Variants in COL14A1 observed in about 807,000 individuals in gnomAD.
COL14A1 encodes collagen alpha-1(XIV) chain.
Under a neutral mutation model 230.3 loss-of-function variants are expected in COL14A1, and 136 were observed. That is an observed-to-expected ratio of 0.59 (90% CI 0.51 to 0.68). COL14A1 has a LOEUF of 0.68. COL14A1 is among the 30% of genes least tolerant of loss of function. COL14A1 has a pLI of 0.00. For synonymous variants in COL14A1, 792 were observed against 784.1 expected (o/e 1.01, Z -0.17); for missense variants, 1,976 against 2,215.8 (o/e 0.89, Z 2.17).
intron 1 of COL14A1, among the ~76,000 whole-genome samples, chr8:120,146,639 T>G (rs144084996): frequency 1.3e-5 from 2 of 152,272 alleles, no homozygotes; most frequent in African/African-American, 4.8e-5. Context: ...GTTTTTCAAC[T>G]ATTACATAGA....
In COL14A1 at chr8:120,332,169, G is replaced by C; in HGVS notation, c.4688G>C (p.Gly1563Ala). The change falls in exon 41 of 48, where the codon GGA becomes GCA. Residue 1563 changes from glycine to alanine, a missense_variant. Physicochemically the swap from Gly to Ala is moderately conservative, Grantham distance 60. Around this residue, in one of 3 missense-constraint regions of COL14A1, gnomAD observed 1,791 missense variants for 2,019.5 expected, o/e 0.89. Coordinates refer to ENST00000297848, the MANE Select transcript of COL14A1 (RefSeq NM_021110.4). Reference protein sequence around the residue: ...RGLPGKDGSSGPPGPPGPIGI... With the variant: ...RGLPGKDGSSAPPGPPGPIGI... Reference sequence around the variant, plus strand: ...CTTCCGGGAAAGGATGGATCCTCGGGACCTCCAGGACCACCAGGGCCAATA... The same window carrying C: ...CTTCCGGGAAAGGATGGATCCTCGGCACCTCCAGGACCACCAGGGCCAATA... 1 of 1,614,042 alleles carries C rather than the reference G, an allele frequency of 6.2e-7. No homozygotes were observed. The highest frequency in any genetic ancestry group is 8.5e-7 in the Non-Finnish European group (1 of 1,179,960).
At chr8:120,201,626 T>A (rs1817250552) in intron 8 of COL14A1, among the ~76,000 whole-genome samples, 2 of 152,240 alleles carry the variant, frequency 1.3e-5, no homozygotes, top group African/African-American at 4.8e-5. Flanking sequence ...TGCAGGAACA[T>A]TTCTTACCCT....
At chr8:120,287,528 G>C (rs186470591) in intron 33 of COL14A1, among the ~76,000 whole-genome samples, 2 of 152,304 alleles carry the variant, frequency 1.3e-5, no homozygotes, top group African/African-American at 4.8e-5. Context: ...GCATGAACTT[G>C]TAATTCTCAT....
At chr8:120,151,859 T>C (rs1487309488) in intron 2 of COL14A1, among the ~76,000 whole-genome samples, 1 of 151,820 alleles carries the variant, frequency 6.6e-6, no homozygotes, top group Non-Finnish European at 1.5e-5. Context: ...GTTTTAAATA[T>C]GGAAGAGGGA....
intron 1 of COL14A1, among the ~76,000 whole-genome samples, chr8:120,139,918 C>T (rs928173634): frequency 6.6e-6 from 1 of 152,036 alleles, no homozygotes; most frequent in Admixed American, 6.6e-5. Context: ...GTCCCAGCTA[C>T]TCAGGAGGCT....
rs776225837 is a variant in COL14A1 at position 120,225,140 on chromosome 8, C to A, written c.1790C>A (p.Thr597Lys). The stretch of plus-strand genomic sequence containing the variant: ...CCTCTGAAGGGCTTGACACCTCTCA[C>A]AGAGTATACTATTGCTATTTTCTCC... Reference protein sequence around the residue: ...TFPLKGLTPLTEYTIAIFSIY... With the variant: ...TFPLKGLTPLKEYTIAIFSIY... The change falls in exon 15 of 48, where the codon ACA (threonine) becomes AAA (lysine). Residue 597 changes from threonine to lysine, a missense_variant. This residue lies in a region of COL14A1 where 1,791 missense variants were observed against 2,019.5 expected (regional missense o/e 0.89). Coordinates refer to ENST00000297848, the MANE Select transcript of COL14A1 (RefSeq NM_021110.4). 2 of 1,612,740 alleles carry A rather than the reference C, an allele frequency of 1.2e-6. No individual in the cohort carries two copies. The highest frequency in any genetic ancestry group is 3.3e-5 in the Admixed American group (2 of 59,938).
intron 1 of COL14A1, among the ~76,000 whole-genome samples, chr8:120,138,252 G>C (rs560348535): frequency 2.0e-5 from 3 of 151,926 alleles, no homozygotes; most frequent in Non-Finnish European, 4.4e-5. Flanking sequence ...AGTCCTATTA[G>C]TTTTTGCTTT....
chr8:120,268,714 A>G (rs1209036039), intron 25 of COL14A1, among the ~76,000 whole-genome samples: 2 of 151,764 alleles, frequency 1.3e-5, no homozygotes, highest in Admixed American at 6.6e-5. Flanking sequence ...ACTTAAAAGA[A>G]CAGCATTAAA....
intron 11 of COL14A1, 125 bp from the exon 12 acceptor site, chr8:120,209,631 G>A: frequency 1.1e-6 from 1 of 942,390 alleles, no homozygotes. Context: ...CCAGGAACTT[G>A]CAATTTATTC....
chr8:120,297,632 T>G, intron 35 of COL14A1, 44 bp downstream of exon 35: 1 of 1,167,216 alleles, frequency 8.6e-7, no homozygotes. Context: ...TAAATTGTAT[T>G]TAATTTTCTG....
chr8:120,350,725 A>G (rs1374535384), intron 45 of COL14A1, among the ~76,000 whole-genome samples: 2 of 146,788 alleles, frequency 1.4e-5, no homozygotes, highest in Non-Finnish European at 3.0e-5. Context: ...AGGAGCACCC[A>G]GATTCATAAA....
intron 26 of COL14A1, among the ~76,000 whole-genome samples, chr8:120,274,646 T>A (rs112101280): frequency 1.6e-4 from 24 of 151,962 alleles, no homozygotes; most frequent in African/African-American, 5.8e-4. Context: ...TACAAATCAA[T>A]GTATACAAAT....
chr8:120,334,385 TCAAAATA>T (rs36218006), intron 42 of COL14A1, among the ~76,000 whole-genome samples: 80,129 of 151,272 alleles, frequency 0.53, 22,622 homozygotes, highest in African/African-American at 0.75. Context: ...ACAATGTCAT[TCAAAATA>T]CAAAATACTT....
chr8:120,213,802 T>C (rs1000215434), intron 13 of COL14A1: 1 of 228,076 alleles, frequency 4.4e-6, no homozygotes, highest in African/African-American at 2.4e-5. Flanking sequence ...GGCTGGCATT[T>C]TTATGTGCTA....
In COL14A1 at chr8:120,206,973, C is replaced by T. The variant is rs377766645; in HGVS notation, c.1070C>T (p.Thr357Met). 163 of 1,612,350 alleles carry T rather than the reference C, an allele frequency of 1.0e-4. No homozygotes were observed. The highest frequency in any genetic ancestry group is 1.5e-4 in the Admixed American group (9 of 59,692). Residue 357 changes from threonine to methionine, a missense_variant, in exon 10 of 48, where the codon ACG becomes ATG. Around this residue, in one of 3 missense-constraint regions of COL14A1, gnomAD observed 1,791 missense variants for 2,019.5 expected, o/e 0.89. Coordinates refer to ENST00000297848, the MANE Select transcript of COL14A1 (RefSeq NM_021110.4). Reference sequence around the variant, plus strand: ...GCCCATGCCATCACTGGGCCGCCTACGGAGTTGATTACTTCTGAAGTCACT... The same window carrying T: ...GCCCATGCCATCACTGGGCCGCCTATGGAGTTGATTACTTCTGAAGTCACT... ...ASAHAITGPPTELITSEVTAR... is the reference protein window; with the variant it reads ...ASAHAITGPPMELITSEVTAR...
chr8:120,250,889 C>G, intron 22 of COL14A1, 123 bp downstream of exon 22: 4 of 1,049,158 alleles, frequency 3.8e-6, no homozygotes, highest in Non-Finnish European at 5.4e-6. Context: ...CTCACTGAAA[C>G]ATCCGCCTCC....
chr8:120,319,257 A>G (rs774156202), intron 40 of COL14A1, among the ~76,000 whole-genome samples: 1 of 152,118 alleles, frequency 6.6e-6, no homozygotes, highest in Non-Finnish European at 1.5e-5. Flanking sequence ...CCTGGGCTCA[A>G]GTGATCCTCC....
intron 8 of COL14A1, among the ~76,000 whole-genome samples, chr8:120,200,711 CTATTTA>C (rs1490810116): frequency 1.6e-4 from 12 of 76,814 alleles, no homozygotes; most frequent in South Asian, 9.8e-4. Flanking sequence ...AAAAGTTTTC[CTATTTA>C]TATATATATA....
At chr8:120,253,691 A>T (rs1467019066) in intron 22 of COL14A1, among the ~76,000 whole-genome samples, 1 of 152,156 alleles carries the variant, frequency 6.6e-6, no homozygotes, top group Non-Finnish European at 1.5e-5. Flanking sequence ...TGGGAGGCTG[A>T]GGCAGGTGGA....
Sources: gnomAD v4.1 joint callset for allele counts (sites outside exome capture counted in the v4.1 genomes callset) on GRCh38, gnomAD v4.1.1 for gene constraint, gnomAD v4.1.1 regional missense constraint, MANE v1.5 for transcripts, NCBI Gene and HGNC (gene_info 2026-07-23, HGNC 2026-07-21) for gene names.